Variants in ATP10A observed in about 807,000 individuals in gnomAD.
The protein encoded by ATP10A is ATPase phospholipid transporting 10A (putative).
A neutral mutation model predicts 147.8 loss-of-function variants in ATP10A; 111 were observed. The ratio of observed to expected loss-of-function variants is 0.75; its 90% CI spans 0.64 to 0.88. The LOEUF is 0.88. Ranked by LOEUF, ATP10A falls within the 40% of genes least tolerant of loss-of-function variation. The probability of loss-of-function intolerance (pLI) is 0.00; values close to 1 mark genes in which losing one functional copy is unlikely to be tolerated. For synonymous variants in ATP10A, 875 were observed against 841.6 expected, an observed-to-expected ratio of 1.04 and a Z score of -0.69; for missense variants, 1,927 against 1,959.0, an observed-to-expected ratio of 0.98 and a Z score of 0.31.
rs112972562 is a variant in ATP10A, at chr15:25,714,514, C to T, written c.1777-273G>A. ...TAAAAAAAGAAATTGCAAGCAGAGACAGTACTCCTTCCTTGAGATCGTCCG... is the reference window on the plus strand; with the variant it reads ...TAAAAAAAGAAATTGCAAGCAGAGATAGTACTCCTTCCTTGAGATCGTCCG... On this transcript the variant is annotated intron_variant, in intron 9 of 20. Transcript: ENST00000555815. Among the ~76,000 whole-genome samples the T allele has an allele frequency of 4.5e-3, 690 of 152,176 alleles. 9 individuals are homozygous for T. The highest frequency in any genetic ancestry group is 0.016 in the African/African-American group (661 of 41,510).
chr15:25,706,430 C>T (rs902901737), intron 12 of ATP10A, among the ~76,000 whole-genome samples: 3 of 152,222 alleles, frequency 2.0e-5, no homozygotes, highest in Admixed American at 6.5e-5. Context: ...CACAAGAGCC[C>T]AAAACACTGG....
chr15:25,834,214 A>G (rs1892495818), intron 1 of ATP10A, among the ~76,000 whole-genome samples: 1 of 152,240 alleles, frequency 6.6e-6, no homozygotes, highest in Non-Finnish European at 1.5e-5. Context: ...GGCATAATCA[A>G]GGAAGCAAAG....
chr15:25,795,321 T>C (rs1890623750), intron 1 of ATP10A, among the ~76,000 whole-genome samples: 1 of 152,088 alleles, frequency 6.6e-6, no homozygotes, highest in Non-Finnish European at 1.5e-5. Context: ...AGGGAGGGCC[T>C]GCGCCAACTT....
chr15:25,797,934 AG>A (rs1323781300), intron 1 of ATP10A, among the ~76,000 whole-genome samples: 1 of 152,220 alleles, frequency 6.6e-6, no homozygotes, highest in Non-Finnish European at 1.5e-5. Context: ...TGTTACCCAG[AG>A]AGCACAATAA....
intron 4 of ATP10A, among the ~76,000 whole-genome samples, chr15:25,726,929 C>T (rs1006283982): frequency 3.4e-5 from 5 of 148,282 alleles, no homozygotes; most frequent in African/African-American, 4.9e-5. Context: ...GCGTGGCGGG[C>T]GCCTGTAGTC....
At chr15:25,736,676 C>T (rs958852196) in intron 2 of ATP10A, among the ~76,000 whole-genome samples, 2 of 152,040 alleles carry the variant, frequency 1.3e-5, no homozygotes, top group Non-Finnish European at 2.9e-5. Flanking sequence ...GACAACTCAC[C>T]ACAAAAATGT....
intron 7 of ATP10A, among the ~76,000 whole-genome samples, chr15:25,720,107 T>A (rs927685741): frequency 7.2e-5 from 11 of 152,226 alleles, no homozygotes; most frequent in Non-Finnish European, 1.5e-5. Context: ...CTTTCTGTAA[T>A]CTTAGTTGGG....
At chr15:25,673,123 G>T (rs556175912), downstream of ATP10A, among the ~76,000 whole-genome samples, 1 of 152,200 alleles carries the variant, frequency 6.6e-6, no homozygotes, top group Non-Finnish European at 1.5e-5. Flanking sequence ...CTGCAGGGTG[G>T]GCTGCCACTC....
chr15:25,828,940 A>G (rs1299212440), intron 1 of ATP10A, among the ~76,000 whole-genome samples: 1 of 152,134 alleles, frequency 6.6e-6, no homozygotes, highest in Non-Finnish European at 1.5e-5. Flanking sequence ...AAAGGTAGGC[A>G]TTTCTATGGC....
At chr15:25,745,360 A>G (rs1447612594) in intron 2 of ATP10A, among the ~76,000 whole-genome samples, 2 of 152,172 alleles carry the variant, frequency 1.3e-5, no homozygotes, top group African/African-American at 4.8e-5. Context: ...CTCAAAAAAA[A>G]AAAAGGGAAA....
chr15:25,687,990 G>GCGTCTCCCTCAA, intron 15 of ATP10A, 162 bp from the exon 16 acceptor site: 1 of 863,722 alleles, frequency 1.2e-6, no homozygotes, highest in South Asian at 1.4e-5. Flanking sequence ...GTCTCCCTCA[G>GCGTCTCCCTCAA]CATCTCCTTC....
At chr15:25,718,059 G>A (rs543752460) in intron 8 of ATP10A, 123 bp downstream of exon 8, 2 of 1,070,496 alleles carry the variant, frequency 1.9e-6, no homozygotes, top group East Asian at 2.6e-5. Context: ...CTGCTGAGTA[G>A]AGCCAAGCCG....
intron 1 of ATP10A, among the ~76,000 whole-genome samples, chr15:25,833,709 C>CGT (rs1335387507): frequency 3.3e-5 from 5 of 152,108 alleles, no homozygotes; most frequent in Non-Finnish European, 5.9e-5. Context: ...AGCCGGGTGC[C>CGT]GTGGCTCACG....
At chr15:25,775,682 G>C (rs1283936087) in intron 2 of ATP10A, among the ~76,000 whole-genome samples, 1 of 152,256 alleles carries the variant, frequency 6.6e-6, no homozygotes, top group African/African-American at 2.4e-5. Flanking sequence ...GCGCTGCACA[G>C]AGGACGTGGG....
rs1050568779 is a variant in ATP10A at position 25,721,736 on chromosome 15, T to A, written c.1284A>T (p.Lys428Asn). The A allele has an allele frequency of 4.3e-6, 7 of 1,614,050 alleles. No homozygotes were observed. The highest frequency in any genetic ancestry group is 5.9e-6 in the Non-Finnish European group (7 of 1,180,038). ...TCTTATTCTCTGTCAAAGTGCCAGT[T>A]TTATCTGAGAAAATGTACTGTATCT... ...LGQIQYIFSDKTGTLTENKMV... is the reference protein window; with the variant it reads ...LGQIQYIFSDNTGTLTENKMV... The change falls in exon 7 of 21, where the codon AAA becomes AAT. Residue 428 changes from lysine to asparagine, a missense_variant. Lys to Asn is a moderately conservative substitution (Grantham distance 94). Transcript: ENST00000555815.
At chr15:25,731,470 C>T (rs1902983193) in intron 3 of ATP10A, among the ~76,000 whole-genome samples, 2 of 152,224 alleles carry the variant, frequency 1.3e-5, no homozygotes, top group South Asian at 2.1e-4. Flanking sequence ...ACCAGCCAAC[C>T]TCTTTGCTTT....
chr15:25,863,136 C>T lies in ATP10A; in HGVS notation c.-40G>A. On this transcript the variant is annotated 5_prime_UTR_variant, in exon 1 of 21. Coordinates refer to ENST00000555815, the MANE Select transcript of ATP10A (RefSeq NM_024490.4). ...GCGCCCGGCTCCTCCGCCGCTCACG[C>T]CCGCCCGCGCCGGCCTCTTAGGTTA... 1 of 1,114,634 alleles carries T rather than the reference C, an allele frequency of 9.0e-7. No homozygotes were observed. Among genetic ancestry groups the T allele is most frequent in the Non-Finnish European group, 1.1e-6 (1 of 912,388 alleles). The allele number at this position is 1,114,634 out of a possible 1,614,324, so 69.0% of individuals were successfully genotyped here. A position where few individuals can be genotyped will look rare whatever the true frequency, so the allele number is the denominator to read the frequency against.
chr15:25,799,335 C>T lies in ATP10A; in HGVS notation c.450-18112G>A, dbSNP rs74664469. On this transcript the variant is annotated intron_variant, in intron 1 of 20. Coordinates refer to ENST00000555815, the MANE Select transcript of ATP10A (RefSeq NM_024490.4). The stretch of plus-strand genomic sequence containing the variant: ...GATTTGGGAGCTCGTCTCTCCCGGC[C>T]TCACATTTCTTGCTCCTGAGCGCTG... Among the ~76,000 whole-genome samples, 884 of 152,226 alleles carry T rather than the reference C, an allele frequency of 5.8e-3. 4 individuals carry two copies. The highest frequency in any genetic ancestry group is 9.9e-3 in the Non-Finnish European group (670 of 68,018).
chr15:25,719,167 C>T (rs765366336), intron 7 of ATP10A, among the ~76,000 whole-genome samples: 27 of 152,126 alleles, frequency 1.8e-4, no homozygotes, highest in Non-Finnish European at 2.9e-4. Context: ...TCAGAACAAC[C>T]GTTTAATCAG....
Sources: gnomAD v4.1 joint callset for allele counts (sites outside exome capture counted in the v4.1 genomes callset) on GRCh38, gnomAD v4.1.1 for gene constraint, MANE v1.5 for transcripts, NCBI Gene and HGNC (gene_info 2026-07-23, HGNC 2026-07-21) for gene names.